Variants in SPHKAP observed in about 807,000 individuals in gnomAD.
SPHKAP encodes the protein A-kinase anchor protein SPHKAP.
A neutral mutation model predicts 137.5 loss-of-function variants in SPHKAP; 67 were observed. That is an observed-to-expected ratio of 0.49 (90% CI 0.40 to 0.60). The LOEUF is 0.60. SPHKAP is among the 20% of genes least tolerant of loss of function. The probability of loss-of-function intolerance (pLI) is 0.00; values close to 1 mark genes in which losing one functional copy is unlikely to be tolerated. For synonymous variants in SPHKAP, 813 were observed against 785.3 expected (o/e 1.04, Z -0.59); for missense variants, 2,097 against 2,069.3 (o/e 1.01, Z -0.26).
At chr2:228,030,775 A>G (rs1383005609) in intron 3 of SPHKAP, among the ~76,000 whole-genome samples, 2 of 151,422 alleles carry the variant, frequency 1.3e-5, no homozygotes, top group African/African-American at 4.9e-5. Context: ...TCACCTCTTC[A>G]TGTGAAAGCA....
At chr2:228,027,163 G>A (rs1028895965) in intron 4 of SPHKAP, among the ~76,000 whole-genome samples, 1 of 152,210 alleles carries the variant, frequency 6.6e-6, no homozygotes, top group Non-Finnish European at 1.5e-5. Context: ...AAATCTGAGA[G>A]ACAGAGGGGA....
chr2:228,054,708 G>A (rs1024415983), intron 3 of SPHKAP, among the ~76,000 whole-genome samples: 8 of 152,108 alleles, frequency 5.3e-5, no homozygotes, highest in Non-Finnish European at 1.2e-4. Flanking sequence ...TGTATTTGGA[G>A]TTAAGAGCTT....
chr2:228,017,279 T>C lies in SPHKAP; in HGVS notation c.3575A>G (p.Glu1192Gly). 6.2e-7 allele frequency: 1 copy of C among 1,614,050 alleles called. No individual in the cohort carries two copies. Residue 1192 changes from glutamate (E) to glycine (G), a missense_variant, in exon 7 of 12, where the codon GAG becomes GGG. Physicochemically the swap from Glu to Gly is moderately conservative, Grantham distance 98 (BLOSUM62 -2). Transcript: ENST00000392056. Reference protein sequence around the residue: ...SKQSSTESITEEFYRYMLRDI... With the variant: ...SKQSSTESITGEFYRYMLRDI... ...CCTCAGCATGTACCTGTAGAACTCC[T>C]CAGTGATGCTCTCTGTGCTGGACTG...
At chr2:228,079,183 G>T (rs1373044814) in intron 3 of SPHKAP, among the ~76,000 whole-genome samples, 1 of 152,216 alleles carries the variant, frequency 6.6e-6, no homozygotes, top group Admixed American at 6.5e-5. Context: ...AGATTCTCAT[G>T]AAGAGTGCGC....
intron 7 of SPHKAP, among the ~76,000 whole-genome samples, chr2:228,009,102 C>T (rs139505815): frequency 1.8e-4 from 27 of 152,234 alleles, no homozygotes; most frequent in African/African-American, 4.6e-4. Flanking sequence ...TTCCTATTAA[C>T]GAATAGCCTT....
chr2:228,129,851 C>A (rs1461748752), intron 2 of SPHKAP, among the ~76,000 whole-genome samples: 1 of 145,766 alleles, frequency 6.9e-6, no homozygotes, highest in East Asian at 2.0e-4. Context: ...GGCTGGAGTA[C>A]AATGGCGTGA....
chr2:228,050,567 C>T (rs1696218316), intron 3 of SPHKAP, among the ~76,000 whole-genome samples: 1 of 152,154 alleles, frequency 6.6e-6, no homozygotes, highest in Non-Finnish European at 1.5e-5. Context: ...TAATTTGATA[C>T]ATTCACATAA....
rs58570907 is a variant in SPHKAP, at chr2:228,041,646, C to CA, written c.247-14104dup. On this transcript the variant is annotated intron_variant, in intron 3 of 11. Transcript: ENST00000392056. Reference sequence around the variant, plus strand: ...TGGGTGACAGAGTCAGACTCTGTCTCAAAAAAAAAAAAAAAAAAAGAAAAA... The same window carrying CA: ...TGGGTGACAGAGTCAGACTCTGTCTCAAAAAAAAAAAAAAAAAAAAGAAAAA... Among the ~76,000 whole-genome samples the CA allele has an allele frequency of 5.2e-3, 500 of 95,728 alleles. 2 individuals are homozygous for CA. The highest frequency in any genetic ancestry group is 0.015 in the East Asian group (43 of 2,896). The allele number at this position is 95,728 out of a possible 152,430, so 62.8% of individuals were successfully genotyped here.
intron 3 of SPHKAP, 37 bp downstream of exon 3, chr2:228,108,794 CT>C: frequency 6.7e-7 from 1 of 1,498,634 alleles, no homozygotes; most frequent in Non-Finnish European, 9.2e-7. Flanking sequence ...CGCTTCCCTG[CT>C]TTATCAGACA....
chr2:228,020,476 C>A (rs1427822260), intron 6 of SPHKAP, among the ~76,000 whole-genome samples: 2 of 152,120 alleles, frequency 1.3e-5, no homozygotes, highest in Non-Finnish European at 2.9e-5. Flanking sequence ...GGACAGAAAA[C>A]CAAACACCGC....
intron 2 of SPHKAP, among the ~76,000 whole-genome samples, chr2:228,125,207 C>T (rs1699036541): frequency 6.6e-6 from 1 of 152,030 alleles, no homozygotes; most frequent in South Asian, 2.1e-4. Context: ...TCACTATATC[C>T]TAAATAGCAA....
At chr2:228,129,601 G>A (rs1699182725) in intron 2 of SPHKAP, among the ~76,000 whole-genome samples, 1 of 151,790 alleles carries the variant, frequency 6.6e-6, no homozygotes, top group Non-Finnish European at 1.5e-5. Flanking sequence ...AATTCAATAT[G>A]GTTCAATTTC....
rs112133761 is a variant in SPHKAP at position 227,997,752 on chromosome 2, G to C, written c.4449-2058C>G. On this transcript the variant is annotated intron_variant, in intron 7 of 11. Coordinates refer to ENST00000392056, the MANE Select transcript of SPHKAP (RefSeq NM_001142644.2). ...TTCTTTCTTTTTGGTGAAATGGAAGGCTTCCTGAGTCACATTCTAGTACAT... is the reference window on the plus strand; with the variant it reads ...TTCTTTCTTTTTGGTGAAATGGAAGCCTTCCTGAGTCACATTCTAGTACAT... 2.6e-5 allele frequency among the ~76,000 whole-genome samples: 4 copies of C among 152,088 alleles called. No homozygotes were observed. In the East Asian group the frequency reaches 5.8e-4, roughly 22 times the overall value.
intron 3 of SPHKAP, among the ~76,000 whole-genome samples, chr2:228,055,929 C>T (rs757607944): frequency 4.6e-5 from 7 of 152,298 alleles, no homozygotes; most frequent in East Asian, 3.9e-4. Context: ...GAGAAATGGC[C>T]GATGCCAGTT....
chr2:228,122,239 C>T (rs956017566), intron 2 of SPHKAP, among the ~76,000 whole-genome samples: 2 of 152,096 alleles, frequency 1.3e-5, no homozygotes, highest in African/African-American at 4.8e-5. Context: ...TCAGCCTCAA[C>T]TCCACAAAAT....
chr2:228,128,938 A>G (rs1227576208), intron 2 of SPHKAP, among the ~76,000 whole-genome samples: 1 of 152,190 alleles, frequency 6.6e-6, no homozygotes, highest in Non-Finnish European at 1.5e-5. Context: ...GAACCCAGGT[A>G]GTAGATTTAG....
rs559369421 is a variant in SPHKAP at position 228,086,915 on chromosome 2, AG to A, written c.246+21916del. On this transcript the variant is annotated intron_variant, in intron 3 of 11. Transcript: ENST00000392056. ...AATGAAACAGCTAAGAAGAGCCCTC[AG>A]GGGGTCAGAACAAAACTCAAAGGCT... Among the ~76,000 whole-genome samples, 11 of 152,288 alleles carry A rather than the reference AG, an allele frequency of 7.2e-5. No individual in the cohort carries two copies. The South Asian group carries it at 2.3e-3, about 32-fold the overall frequency.
chr2:228,021,259 A>G (rs992961479), intron 6 of SPHKAP, among the ~76,000 whole-genome samples: 7 of 152,282 alleles, frequency 4.6e-5, no homozygotes, highest in East Asian at 3.9e-4. Flanking sequence ...AAATTAGACA[A>G]ACAAACTAGG....
At chr2:228,043,571 C>G (rs1695928067) in intron 3 of SPHKAP, among the ~76,000 whole-genome samples, 1 of 152,192 alleles carries the variant, frequency 6.6e-6, no homozygotes. Context: ...AAGTGATCCG[C>G]CCATCTTGGC....
Sources: gnomAD v4.1 joint callset for allele counts (sites outside exome capture counted in the v4.1 genomes callset) on GRCh38, gnomAD v4.1.1 for gene constraint, MANE v1.5 for transcripts, NCBI Gene and HGNC (gene_info 2026-07-23, HGNC 2026-07-21) for gene names.